Variants in GALNTL6 observed in about 807,000 individuals in gnomAD.
GALNTL6 encodes the protein polypeptide N-acetylgalactosaminyltransferase-like 6.
GALNTL6 carries 46 observed loss-of-function variants against 73.7 expected under a neutral mutation model. The observed-to-expected ratio is 0.62, with a 90% CI of 0.49 to 0.80. GALNTL6 has a LOEUF of 0.80. Among genes scored for constraint, GALNTL6 ranks in the 30% least tolerant of loss-of-function variants. The pLI is 0.00. For synonymous variants in GALNTL6, 259 were observed against 263.7 expected, an observed-to-expected ratio of 0.98 and a Z score of 0.17; for missense variants, 604 against 755.0, an observed-to-expected ratio of 0.80 and a Z score of 2.34.
At chr4:172,607,817 G>A (rs540771676) in intron 5 of GALNTL6, among the ~76,000 whole-genome samples, 17 of 152,022 alleles carry the variant, frequency 1.1e-4, no homozygotes, top group African/African-American at 4.1e-4. Flanking sequence ...ATCTCACTGT[G>A]GTTTTGATTT....
intron 5 of GALNTL6, among the ~76,000 whole-genome samples, chr4:172,491,819 A>C (rs1197757098): frequency 6.6e-6 from 1 of 152,174 alleles, no homozygotes; most frequent in Non-Finnish European, 1.5e-5. Flanking sequence ...CCAATAACAA[A>C]AGTGATTACA....
chr4:172,965,793 CT>C (rs1206564606), intron 10 of GALNTL6, among the ~76,000 whole-genome samples: 2 of 151,926 alleles, frequency 1.3e-5, no homozygotes, highest in African/African-American at 4.8e-5. Flanking sequence ...ACAAAACATT[CT>C]GTCTTATCTT....
chr4:172,500,815 T>C (rs763455725), intron 5 of GALNTL6, among the ~76,000 whole-genome samples: 4 of 152,180 alleles, frequency 2.6e-5, no homozygotes, highest in Non-Finnish European at 4.4e-5. Context: ...TCTTAAATCA[T>C]ATTTGACGGT....
At chr4:172,258,038 T>G (rs1161921027) in intron 3 of GALNTL6, among the ~76,000 whole-genome samples, 1 of 151,302 alleles carries the variant, frequency 6.6e-6, no homozygotes, top group Non-Finnish European at 1.5e-5. Context: ...TGAGAGAGTT[T>G]CTACCTTTAA....
chr4:172,123,500 ATTTTTT>A (rs67067629), intron 2 of GALNTL6, among the ~76,000 whole-genome samples: 12 of 115,416 alleles, frequency 1.0e-4, no homozygotes, highest in Non-Finnish European at 5.0e-5. Flanking sequence ...AAAAGTCATA[ATTTTTT>A]TTTTTTTTTT....
intron 2 of GALNTL6, among the ~76,000 whole-genome samples, chr4:172,068,639 T>C (rs929736713): frequency 9.1e-6 from 1 of 110,126 alleles, no homozygotes; most frequent in African/African-American, 3.4e-5. Context: ...TCACTCTAGT[T>C]TGTTCTTTTT....
At chr4:172,351,142 G>A (rs1269711936) in intron 5 of GALNTL6, among the ~76,000 whole-genome samples, 1 of 151,536 alleles carries the variant, frequency 6.6e-6, no homozygotes, top group Non-Finnish European at 1.5e-5. Context: ...CTGGAGAAGA[G>A]ATTCTCTTAA....
At chr4:172,344,523 C>T (rs1741675327) in intron 4 of GALNTL6, among the ~76,000 whole-genome samples, 1 of 152,200 alleles carries the variant, frequency 6.6e-6, no homozygotes, top group Non-Finnish European at 1.5e-5. Flanking sequence ...TCTGCTTCTA[C>T]TCTTTGCCAT....
At chr4:172,845,059 A>G (rs1385053147) in intron 7 of GALNTL6, among the ~76,000 whole-genome samples, 3 of 151,918 alleles carry the variant, frequency 2.0e-5, no homozygotes, top group Non-Finnish European at 2.9e-5. Flanking sequence ...ACTAAAAACA[A>G]AAACAAAAAT....
chr4:172,851,403 CAT>C (rs35149106), intron 7 of GALNTL6, among the ~76,000 whole-genome samples: 127 of 109,814 alleles, frequency 1.2e-3, no homozygotes, highest in Non-Finnish European at 1.6e-3. Context: ...TATGTACTTA[CAT>C]ATATATATAT....
intron 2 of GALNTL6, among the ~76,000 whole-genome samples, chr4:172,032,416 C>T (rs888511527): frequency 6.6e-6 from 1 of 152,028 alleles, no homozygotes; most frequent in Non-Finnish European, 1.5e-5. Context: ...GGAACAATTA[C>T]ATTTTATTAA....
At chr4:171,931,713 T>C (rs897415808) in intron 2 of GALNTL6, among the ~76,000 whole-genome samples, 4 of 152,192 alleles carry the variant, frequency 2.6e-5, no homozygotes, top group Admixed American at 2.6e-4. Flanking sequence ...TGTTATAACA[T>C]GATAGTTAAG....
At chr4:172,567,044 T>G (rs910790635) in intron 5 of GALNTL6, among the ~76,000 whole-genome samples, 2 of 152,006 alleles carry the variant, frequency 1.3e-5, no homozygotes, top group African/African-American at 4.8e-5. Context: ...AAAAAAAGAA[T>G]TCTGTTGTAA....
At chr4:172,755,195 A>G (rs891017439) in intron 5 of GALNTL6, among the ~76,000 whole-genome samples, 2 of 152,050 alleles carry the variant, frequency 1.3e-5, no homozygotes, top group African/African-American at 4.8e-5. Flanking sequence ...ATTATCAGTG[A>G]CCACTTAGAA....
Position 172,761,892 on chromosome 4 carries a change from C to T in GALNTL6, c.554-47469C>T, listed in dbSNP as rs148875239. The stretch of plus-strand genomic sequence containing the variant: ...ATAGCAGTGTGAAAACGAACTAATA[C>T]AATGTTCTTCCACTGTTCCCATTTC... On this transcript the variant is annotated intron_variant, in intron 5 of 12. Transcript: ENST00000506823. Among the ~76,000 whole-genome samples, 7 of 152,294 alleles carry T rather than the reference C, an allele frequency of 4.6e-5. No individual in the cohort carries two copies. In the East Asian group the frequency reaches 1.4e-3, roughly 29 times the overall value.
At chr4:172,880,564 A>AT (rs1459266631) in intron 7 of GALNTL6, among the ~76,000 whole-genome samples, 2 of 152,094 alleles carry the variant, frequency 1.3e-5, no homozygotes, top group Non-Finnish European at 2.9e-5. Flanking sequence ...GGATAGGTCC[A>AT]TTTTCAGTGA....
At chr4:172,213,202 T>C (rs2110931100) in intron 2 of GALNTL6, among the ~76,000 whole-genome samples, 1 of 152,344 alleles carries the variant, frequency 6.6e-6, no homozygotes, top group African/African-American at 2.4e-5. Context: ...AAGGACATCT[T>C]AGTTGCTTGC....
intron 5 of GALNTL6, among the ~76,000 whole-genome samples, chr4:172,739,433 C>T (rs1272601625): frequency 3.3e-5 from 5 of 152,030 alleles, no homozygotes; most frequent in African/African-American, 9.7e-5. Context: ...AAGCTGATAC[C>T]GAGTAGTAAT....
At chr4:171,991,449 A>C (rs1424213815) in intron 2 of GALNTL6, among the ~76,000 whole-genome samples, 1 of 152,022 alleles carries the variant, frequency 6.6e-6, no homozygotes, top group South Asian at 2.1e-4. Flanking sequence ...AACAGAGAGT[A>C]AGTATACAAA....
Sources: gnomAD v4.1 joint callset for allele counts (sites outside exome capture counted in the v4.1 genomes callset) on GRCh38, gnomAD v4.1.1 for gene constraint, MANE v1.5 for transcripts, NCBI Gene and HGNC (gene_info 2026-07-23, HGNC 2026-07-21) for gene names.